Variants in VPS13B observed in about 807,000 individuals in gnomAD.
VPS13B encodes the protein vacuolar protein sorting 13 homolog B, also known as intermembrane lipid transfer protein VPS13B.
A neutral mutation model predicts 426.4 loss-of-function variants in VPS13B; 285 were observed. The ratio of observed to expected loss-of-function variants is 0.67; its 90% confidence interval spans 0.61 to 0.74. The LOEUF (loss-of-function observed/expected upper bound fraction) is 0.74. VPS13B is among the 30% of genes least tolerant of loss of function. The probability of loss-of-function intolerance (pLI) is 0.00; values close to 1 mark genes in which losing one functional copy is unlikely to be tolerated. For missense variants in VPS13B, 4,537 were observed against 4,782.6 expected, an observed-to-expected ratio of 0.95 and a Z score of 1.51; for synonymous variants, 1,676 against 1,676.4, an observed-to-expected ratio of 1.00 and a Z score of 0.01.
chr8:99,529,933 A>G (rs1276097737), intron 30 of VPS13B, among the ~76,000 whole-genome samples: 3 of 152,174 alleles, frequency 2.0e-5, no homozygotes, highest in Non-Finnish European at 4.4e-5. Flanking sequence ...GCTTCTTTAC[A>G]TAAGACACTT....
At chr8:99,858,541 C>T (rs1165963402) in intron 56 of VPS13B, among the ~76,000 whole-genome samples, 1 of 152,154 alleles carries the variant, frequency 6.6e-6, no homozygotes, top group African/African-American at 2.4e-5. Flanking sequence ...CAAAATCAGC[C>T]AGGCGTGGTG....
intron 35 of VPS13B, among the ~76,000 whole-genome samples, chr8:99,679,375 C>T (rs964054324): frequency 4.6e-5 from 7 of 152,098 alleles, no homozygotes; most frequent in African/African-American, 1.7e-4. Flanking sequence ...GGGAGGGAAA[C>T]TTATTTTGAT....
At chr8:99,515,310 A>G (rs1047164653) in intron 29 of VPS13B, among the ~76,000 whole-genome samples, 3 of 152,120 alleles carry the variant, frequency 2.0e-5, no homozygotes, top group Non-Finnish European at 4.4e-5. Flanking sequence ...AAATCCCTCA[A>G]CTAATTGTAA....
intron 21 of VPS13B, among the ~76,000 whole-genome samples, chr8:99,392,115 C>T (rs1052454215): frequency 5.3e-5 from 8 of 152,160 alleles, no homozygotes; most frequent in African/African-American, 1.4e-4. Flanking sequence ...CAGTAGGGAA[C>T]AATGACAATC....
chr8:99,772,782 T>C (rs751422419), intron 40 of VPS13B, among the ~76,000 whole-genome samples: 1 of 151,640 alleles, frequency 6.6e-6, no homozygotes, highest in Non-Finnish European at 1.5e-5. Flanking sequence ...TTGTAAGGAG[T>C]GGAAGAAATG....
chr8:99,307,150 T>C (rs1820682835), intron 19 of VPS13B, among the ~76,000 whole-genome samples: 1 of 152,154 alleles, frequency 6.6e-6, no homozygotes, highest in South Asian at 2.1e-4. Context: ...TTTTAATCTC[T>C]TGATAGAGAA....
At chr8:99,140,546 T>TCTTCTCCTC in intron 12 of VPS13B, among the ~76,000 whole-genome samples, 1 of 151,330 alleles carries the variant, frequency 6.6e-6, no homozygotes. Context: ...CTGCTTCTCT[T>TCTTCTCCTC]CTTCTCCTCC....
chr8:99,464,896 A>C (rs1819031701), intron 23 of VPS13B, among the ~76,000 whole-genome samples: 1 of 152,144 alleles, frequency 6.6e-6, no homozygotes, highest in African/African-American at 2.4e-5. Context: ...CTCTAATGAT[A>C]ATATAGAGGG....
intron 43 of VPS13B, among the ~76,000 whole-genome samples, chr8:99,806,900 G>A (rs1563925345): frequency 2.0e-5 from 3 of 152,176 alleles, no homozygotes; most frequent in Non-Finnish European, 4.4e-5. Flanking sequence ...GGGTTCCCAG[G>A]CAGGGGTGAT....
At chr8:99,383,957 G>A (rs780351523) in intron 19 of VPS13B, among the ~76,000 whole-genome samples, 36 of 152,018 alleles carry the variant, frequency 2.4e-4, no homozygotes, top group Non-Finnish European at 3.8e-4. Context: ...ATAAGTTTTC[G>A]GTGCCCACAT....
At chr8:99,738,547 G>A (rs77320719) in intron 39 of VPS13B, among the ~76,000 whole-genome samples, 2,513 of 152,216 alleles carry the variant, frequency 0.017, 45 homozygotes, top group Middle Eastern at 0.024. Context: ...TTTAGTAATC[G>A]TGTATTCAGA....
chr8:99,748,131 C>G (rs901902309), intron 39 of VPS13B, among the ~76,000 whole-genome samples: 9 of 152,120 alleles, frequency 5.9e-5, no homozygotes, highest in African/African-American at 2.2e-4. Context: ...GGCTTTTATT[C>G]TACCCTATAA....
intron 17 of VPS13B, among the ~76,000 whole-genome samples, chr8:99,207,885 C>G (rs1814820174): frequency 6.6e-6 from 1 of 152,062 alleles, no homozygotes; most frequent in African/African-American, 2.4e-5. Context: ...GTTCTGGGAG[C>G]AGATAGCTAA....
chr8:99,345,179 A>G (rs1335487242), intron 19 of VPS13B, among the ~76,000 whole-genome samples: 1 of 152,224 alleles, frequency 6.6e-6, no homozygotes, highest in Non-Finnish European at 1.5e-5. Context: ...ATACTATAGT[A>G]TGCTAGGTAT....
intron 19 of VPS13B, among the ~76,000 whole-genome samples, chr8:99,285,339 G>GTA (rs1480892069): frequency 2.6e-5 from 4 of 152,092 alleles, no homozygotes. Context: ...AGCCTTAAGG[G>GTA]TAACCAGTTT....
At chr8:99,625,870 A>C (rs115449138) in intron 33 of VPS13B, among the ~76,000 whole-genome samples, 1,551 of 152,270 alleles carry the variant, frequency 0.01, 18 homozygotes, top group African/African-American at 0.019. Context: ...ACAACAACAA[A>C]AAAAACCCAG....
chr8:99,445,124 C>T (rs1277747068), intron 23 of VPS13B, among the ~76,000 whole-genome samples: 1 of 151,574 alleles, frequency 6.6e-6, no homozygotes, highest in Non-Finnish European at 1.5e-5. Context: ...ACATGATTTG[C>T]AAGTATTTTC....
intron 22 of VPS13B, among the ~76,000 whole-genome samples, chr8:99,434,758 G>A (rs567096424): frequency 6.6e-6 from 1 of 152,160 alleles, no homozygotes; most frequent in Non-Finnish European, 1.5e-5. Context: ...TGTCGTTCTT[G>A]TGTAATTAAC....
chr8:99,600,918 C>G (rs774747619), intron 33 of VPS13B, among the ~76,000 whole-genome samples: 1 of 152,104 alleles, frequency 6.6e-6, no homozygotes, highest in Non-Finnish European at 1.5e-5. Flanking sequence ...CCTTTATACC[C>G]TAAATAAAAA....
Sources: gnomAD v4.1 joint callset for allele counts (sites outside exome capture counted in the v4.1 genomes callset) on GRCh38, gnomAD v4.1.1 for gene constraint, MANE v1.5 for transcripts, NCBI Gene and HGNC (gene_info 2026-07-23, HGNC 2026-07-21) for gene names.